Variants in ANKRD30B observed in about 807,000 individuals in gnomAD.
ANKRD30B encodes ankyrin repeat domain 30B.
ANKRD30B carries 144 observed loss-of-function variants against 202.2 expected under a neutral mutation model. That is an observed-to-expected ratio of 0.71 (90% CI 0.62 to 0.82). ANKRD30B has a LOEUF of 0.82. ANKRD30B is among the 40% of genes least tolerant of loss of function. ANKRD30B has a pLI of 0.00. For missense variants in ANKRD30B, 1,487 were observed against 1,669.1 expected, an observed-to-expected ratio of 0.89 and a Z score of 1.90; for synonymous variants, 508 against 561.3, an observed-to-expected ratio of 0.91 and a Z score of 1.34.
chr18:14,850,160 G>A, intron 40 of ANKRD30B, 54 bp from the exon 41 acceptor site: 1 of 1,169,544 alleles, frequency 8.6e-7, no homozygotes, highest in Non-Finnish European at 1.2e-6. Context: ...AGATCTCAAA[G>A]TGAATTCTAT....
At chr18:14,833,732 T>C (rs973857292) in intron 34 of ANKRD30B, among the ~76,000 whole-genome samples, 3 of 152,204 alleles carry the variant, frequency 2.0e-5, no homozygotes, top group African/African-American at 7.2e-5. Flanking sequence ...AGCAATATTA[T>C]TAACAAAAGT....
At chr18:14,920,954 T>C in the ANKRD30B span, among the ~76,000 whole-genome samples, 2 of 152,234 alleles carry the variant, frequency 1.3e-5, no homozygotes, top group Non-Finnish European at 2.9e-5. Context: ...TTTTACAATG[T>C]TGTGTGATTG....
chr18:14,900,839 G>A, the ANKRD30B span, among the ~76,000 whole-genome samples: 1 of 152,260 alleles, frequency 6.6e-6, no homozygotes, highest in Non-Finnish European at 1.5e-5. Flanking sequence ...TCTACCTTGA[G>A]TTATGAGAAC....
chr18:14,865,306 A>C, the ANKRD30B span, among the ~76,000 whole-genome samples: 3 of 140,282 alleles, frequency 2.1e-5, no homozygotes, highest in East Asian at 2.2e-4. Flanking sequence ...TTTTCACAAA[A>C]CCTTCTCTCC....
Position 14,799,288 on chromosome 18 carries a change from C to T in ANKRD30B, c.2124C>T (p.Phe708=). 7 of 1,529,312 alleles carry T rather than the reference C, an allele frequency of 4.6e-6. No individual in the cohort carries two copies. The highest frequency in any genetic ancestry group is 6.1e-6 in the Non-Finnish European group (7 of 1,141,916). 94.7% of individuals were successfully genotyped at this position (1,529,312 alleles called of 1,614,324 possible). The change falls in exon 22 of 44, where the codon TTC becomes TTT. Residue 708 remains phenylalanine (F), a synonymous_variant. Transcript: ENST00000690538. ...TAGAATTGAAGGACAGAGAAACATTCAAAGCAGGTAAATTTTGCAATTTTA... is the reference window on the plus strand; with the variant it reads ...TAGAATTGAAGGACAGAGAAACATTTAAAGCAGGTAAATTTTGCAATTTTA... ...KALELKDRET[F]KAAQMFPSES... is the part of the protein sequence containing the mutation.
chr18:14,883,393 C>CTATA, the ANKRD30B span: 6 of 86,484 alleles, frequency 6.9e-5, no homozygotes, highest in Admixed American at 2.5e-4. Context: ...CTCTCTCTCT[C>CTATA]TCTCTCTATA....
intron 22 of ANKRD30B, 34 bp downstream of exon 22, chr18:14,799,329 TAAG>T (rs1434044515): frequency 6.8e-7 from 1 of 1,474,810 alleles, no homozygotes; most frequent in East Asian, 2.5e-5. Flanking sequence ...ACTCTGGAAT[TAAG>T]AATATTAAAC....
At chr18:14,926,925 G>T in the ANKRD30B span, among the ~76,000 whole-genome samples, 29 of 134,390 alleles carry the variant, frequency 2.2e-4, no homozygotes, top group African/African-American at 9.0e-4. Flanking sequence ...AGCAAGGGTT[G>T]TGTGTGTGTG....
Position 14,808,470 on chromosome 18 carries a change from T to C in ANKRD30B, c.2285-81T>C, listed in dbSNP as rs763115387. Reference sequence around the variant, plus strand: ...TTCAATCCAAGCATGAGGACTCATCTTCATATTCACATTGTACGAATGCTT... The same window carrying C: ...TTCAATCCAAGCATGAGGACTCATCCTCATATTCACATTGTACGAATGCTT... On this transcript the variant is annotated intron_variant, in intron 24 of 43. Coordinates refer to ENST00000690538, the MANE Select transcript of ANKRD30B (RefSeq NM_001367607.2). The C allele has an allele frequency of 2.3e-6, 3 of 1,315,156 alleles. No homozygotes were observed. The Admixed American group carries it at 5.1e-5, about 22-fold the overall frequency. 81.5% of individuals were successfully genotyped at this position (1,315,156 alleles called of 1,614,324 possible). A position where few individuals can be genotyped will look rare whatever the true frequency, so the allele number is the denominator to read the frequency against.
intron 18 of ANKRD30B, among the ~76,000 whole-genome samples, chr18:14,797,208 AC>A (rs1032939622): frequency 5.3e-5 from 8 of 151,602 alleles, no homozygotes; most frequent in African/African-American, 1.2e-4. Flanking sequence ...ATGGACAGGT[AC>A]CCCCCCATGC....
At chr18:14,784,221 A>G (rs1347730489) in intron 12 of ANKRD30B, 115 bp from the exon 13 acceptor site, 3 of 1,059,642 alleles carry the variant, frequency 2.8e-6, no homozygotes, top group Admixed American at 2.4e-5. Flanking sequence ...CCAAATCTAA[A>G]CTATTCATTC....
chr18:14,777,597 C>T (rs1284151883), intron 9 of ANKRD30B, among the ~76,000 whole-genome samples: 1 of 151,462 alleles, frequency 6.6e-6, no homozygotes. Context: ...CACCTGGCCC[C>T]ATAAAAAAGA....
At chr18:14,827,523 T>C (rs1333068248) in intron 32 of ANKRD30B, among the ~76,000 whole-genome samples, 1 of 152,188 alleles carries the variant, frequency 6.6e-6, no homozygotes, top group Non-Finnish European at 1.5e-5. Flanking sequence ...AGCTGTTTTT[T>C]TCTACAGAAT....
intron 15 of ANKRD30B, among the ~76,000 whole-genome samples, chr18:14,789,664 T>C (rs1385738971): frequency 6.6e-6 from 1 of 152,232 alleles, no homozygotes; most frequent in Non-Finnish European, 1.5e-5. Flanking sequence ...TCCCCATTGC[T>C]TGTTTTTCTC....
Position 14,761,399 on chromosome 18 carries a change from A to C in ANKRD30B, c.820+781A>C, listed in dbSNP as rs367769855. On this transcript the variant is annotated intron_variant, in intron 6 of 43. Coordinates refer to ENST00000690538, the MANE Select transcript of ANKRD30B (RefSeq NM_001367607.2). The stretch of plus-strand genomic sequence containing the variant: ...TTAATGACAAAGGCTTTGAGTCAAC[A>C]TACCTGTGGGTAATTAATCTGGTCA... 7.8e-4 allele frequency among the ~76,000 whole-genome samples: 119 copies of C among 152,316 alleles called. 1 individual carries two copies. Among genetic ancestry groups the C allele is most frequent in the Middle Eastern group, 3.4e-3 (1 of 294 alleles).
chr18:14,805,721 A>G (rs1394273012), intron 24 of ANKRD30B, among the ~76,000 whole-genome samples: 2 of 150,896 alleles, frequency 1.3e-5, no homozygotes, highest in Admixed American at 6.6e-5. Context: ...ATGGTGTAGC[A>G]TTCTACGTTC....
At chr18:14,760,915 G>T (rs1273199687) in intron 6 of ANKRD30B, among the ~76,000 whole-genome samples, 1 of 151,852 alleles carries the variant, frequency 6.6e-6, no homozygotes, top group Non-Finnish European at 1.5e-5. Flanking sequence ...GTGTATATAG[G>T]TAACACAATT....
At chr18:14,759,673 T>C (rs1360506019) in intron 5 of ANKRD30B, among the ~76,000 whole-genome samples, 1 of 152,212 alleles carries the variant, frequency 6.6e-6, no homozygotes, top group East Asian at 1.9e-4. Context: ...GATCTGTTAG[T>C]TTTCTGCCCT....
Position 14,791,477 on chromosome 18 carries a change from G to C in ANKRD30B, c.1811G>C (p.Ser604Thr), listed in dbSNP as rs1368229930. 6.2e-7 allele frequency: 1 copy of C among 1,608,796 alleles called. No individual in the cohort carries two copies. Among genetic ancestry groups the C allele is most frequent in the Non-Finnish European group, 8.5e-7 (1 of 1,178,104 alleles). Residue 604 changes from serine (S) to threonine (T), a missense_variant, in exon 16 of 44, where the codon AGT becomes ACT. Coordinates refer to ENST00000690538, the MANE Select transcript of ANKRD30B (RefSeq NM_001367607.2). ...ATHQKEFDTL[S>T]GKLEESPVKD... The stretch of plus-strand genomic sequence containing the variant: ...CATCAAAAAGAATTCGATACCTTAA[G>C]TGGAAAATTAGAAGGTAAGAACCAT...
Sources: gnomAD v4.1 joint callset for allele counts (sites outside exome capture counted in the v4.1 genomes callset) on GRCh38, gnomAD v4.1.1 for gene constraint, MANE v1.5 for transcripts, NCBI Gene and HGNC (gene_info 2026-07-23, HGNC 2026-07-21) for gene names.